Variants in B4GALNT3 observed in about 807,000 individuals in gnomAD.
The protein encoded by B4GALNT3 is beta-1,4-N-acetyl-galactosaminyltransferase 3.
A neutral mutation model predicts 120.2 loss-of-function variants in B4GALNT3; 86 were observed. That is an observed-to-expected ratio of 0.72 (90% CI 0.60 to 0.86). The LOEUF (loss-of-function observed/expected upper bound fraction) is 0.86. B4GALNT3 is among the 40% of genes least tolerant of loss of function. The pLI is 0.00. For missense variants in B4GALNT3, 1,167 were observed against 1,298.9 expected (o/e 0.90, Z 1.56); for synonymous variants, 518 against 510.4 (o/e 1.01, Z -0.20).
intron 1 of B4GALNT3, among the ~76,000 whole-genome samples, chr12:489,694 T>C (rs1401535703): frequency 6.6e-6 from 1 of 152,186 alleles, no homozygotes; most frequent in East Asian, 1.9e-4. Flanking sequence ...TCTCTAGAAA[T>C]TGACAGATGC....
chr12:464,986 C>T (rs1407380942), intron 1 of B4GALNT3, among the ~76,000 whole-genome samples: 1 of 152,128 alleles, frequency 6.6e-6, no homozygotes. Context: ...ATGCAGGGCA[C>T]AGCAGTAATC....
chr12:529,564 A>T (rs1465658189), intron 1 of B4GALNT3, among the ~76,000 whole-genome samples: 1 of 152,234 alleles, frequency 6.6e-6, no homozygotes. Context: ...GGAGATATAT[A>T]TCGGGCTCCC....
intron 3 of B4GALNT3, among the ~76,000 whole-genome samples, chr12:539,838 G>C (rs908578852): frequency 2.0e-5 from 3 of 152,210 alleles, no homozygotes; most frequent in African/African-American, 7.2e-5. Context: ...TTGAGGCCAG[G>C]AGTTTGAGGC....
intron 1 of B4GALNT3, among the ~76,000 whole-genome samples, chr12:512,432 C>CCTTCCAT (rs1426837659): frequency 2.4e-5 from 3 of 124,404 alleles, no homozygotes; most frequent in Non-Finnish European, 4.8e-5. Context: ...CCGCCTTCCG[C>CCTTCCAT]CTTCCATCTT....
intron 1 of B4GALNT3, among the ~76,000 whole-genome samples, chr12:478,119 C>T (rs1327764575): frequency 1.3e-5 from 2 of 151,610 alleles, no homozygotes; most frequent in Non-Finnish European, 2.9e-5. Flanking sequence ...GCATGGTGGC[C>T]CAACCCTGTA....
At chr12:502,774 A>G (rs892121897) in intron 1 of B4GALNT3, among the ~76,000 whole-genome samples, 1 of 152,058 alleles carries the variant, frequency 6.6e-6, no homozygotes, top group African/African-American at 2.4e-5. Flanking sequence ...TGTCTTTTTG[A>G]GAGGGTGTCT....
intron 1 of B4GALNT3, among the ~76,000 whole-genome samples, chr12:487,434 C>T (rs981051562): frequency 2.6e-5 from 4 of 152,114 alleles, no homozygotes; most frequent in Non-Finnish European, 5.9e-5. Context: ...AAAGTCTTGC[C>T]GTGTGTGGTA....
intron 1 of B4GALNT3, among the ~76,000 whole-genome samples, chr12:513,675 C>T (rs1269517496): frequency 6.6e-6 from 1 of 152,214 alleles, no homozygotes; most frequent in Non-Finnish European, 1.5e-5. Context: ...GGAATGCAGT[C>T]CAGCAGGTCT....
chr12:527,717 C>T (rs958213109), intron 1 of B4GALNT3, among the ~76,000 whole-genome samples: 1 of 152,188 alleles, frequency 6.6e-6, no homozygotes, highest in Non-Finnish European at 1.5e-5. Flanking sequence ...TGCAGACACA[C>T]AGCTGGGTGG....
At chr12:552,291 CTACA>C (rs770487000) in intron 12 of B4GALNT3, 128 bp downstream of exon 12, 1 of 680,396 alleles carries the variant, frequency 1.5e-6, no homozygotes, top group African/African-American at 2.6e-5. Flanking sequence ...TTCCTGAGTA[CTACA>C]CACACACACA....
intron 1 of B4GALNT3, among the ~76,000 whole-genome samples, chr12:527,850 T>C (rs1946771320): frequency 6.6e-6 from 1 of 152,174 alleles, no homozygotes. Flanking sequence ...GTCTCCACAC[T>C]CTTCCTTGCA....
At chr12:462,589 C>G (rs1946032184) in intron 1 of B4GALNT3, among the ~76,000 whole-genome samples, 1 of 152,046 alleles carries the variant, frequency 6.6e-6, no homozygotes, top group African/African-American at 2.4e-5. Flanking sequence ...TTCCCAGCCT[C>G]TATGCCAGAA....
At chr12:547,594 G>A (rs1036315027) in intron 7 of B4GALNT3, among the ~76,000 whole-genome samples, 1 of 152,202 alleles carries the variant, frequency 6.6e-6, no homozygotes, top group African/African-American at 2.4e-5. Context: ...GCTGGTGCGT[G>A]GTCCCTGGGG....
In B4GALNT3 at chr12:460,721, C is replaced by T. The variant is rs1946012980; in HGVS notation, c.169+176C>T. Reference sequence around the variant, plus strand: ...GGAGAGCTGCGGGCGGGGGAAGCCGCGGGGCCGAGCGCAGAATTCCCGAGC... The same window carrying T: ...GGAGAGCTGCGGGCGGGGGAAGCCGTGGGGCCGAGCGCAGAATTCCCGAGC... On this transcript the variant is annotated intron_variant, in intron 1 of 19. Coordinates refer to ENST00000266383, the MANE Select transcript of B4GALNT3 (RefSeq NM_173593.4). The surrounding 1 kb of genome is among the most constrained non-coding windows in gnomAD (Gnocchi z 8.0). Among the ~76,000 whole-genome samples the T allele has an allele frequency of 6.6e-6, 1 of 152,120 alleles. No homozygotes were observed. Among genetic ancestry groups the T allele is most frequent in the Non-Finnish European group, 1.5e-5 (1 of 68,000 alleles).
intron 11 of B4GALNT3, among the ~76,000 whole-genome samples, chr12:551,390 A>G (rs1947081384): frequency 6.6e-6 from 1 of 152,252 alleles, no homozygotes; most frequent in South Asian, 2.1e-4. Context: ...GTGAGCCAGC[A>G]GGACTTACTA....
intron 1 of B4GALNT3, among the ~76,000 whole-genome samples, chr12:534,749 CCTCTG>C (rs1411328623): frequency 6.6e-6 from 1 of 152,230 alleles, no homozygotes; most frequent in Non-Finnish European, 1.5e-5. Context: ...CATTAGTAAG[CCTCTG>C]CTGTTCCCCG....
chr12:470,378 C>G (rs1239679503), intron 1 of B4GALNT3, among the ~76,000 whole-genome samples: 4 of 152,258 alleles, frequency 2.6e-5, no homozygotes, highest in East Asian at 3.8e-4. Flanking sequence ...CTGCCAAGCC[C>G]AGGTTCAAAC....
chr12:502,998 A>T (rs35453453), intron 1 of B4GALNT3, among the ~76,000 whole-genome samples: 14,672 of 152,096 alleles, frequency 0.096, 1,058 homozygotes, highest in East Asian at 0.29. Flanking sequence ...GGCTTAAGCT[A>T]TTCTCCTGTC....
intron 1 of B4GALNT3, among the ~76,000 whole-genome samples, chr12:482,340 C>A (rs558467504): frequency 2.6e-5 from 4 of 152,196 alleles, no homozygotes; most frequent in South Asian, 4.1e-4. Flanking sequence ...CAGGAAACAT[C>A]TCCTTGGCTA....
Sources: gnomAD v4.1 joint callset for allele counts (sites outside exome capture counted in the v4.1 genomes callset) on GRCh38, gnomAD v4.1.1 for gene constraint, Gnocchi (gnomAD v3.1) non-coding constraint, MANE v1.5 for transcripts, NCBI Gene and HGNC (gene_info 2026-07-23, HGNC 2026-07-21) for gene names.